Variants in EIPR1 observed in about 807,000 individuals in gnomAD.
EIPR1 encodes the protein EARP complex and GARP complex interacting protein 1, also known as EARP and GARP complex-interacting protein 1.
In EIPR1, 25 loss-of-function variants were observed where a neutral mutation model predicts 48.1. The observed-to-expected ratio is 0.52, with a 90% confidence interval of 0.38 to 0.73. EIPR1 has a LOEUF of 0.73. Ranked by LOEUF, EIPR1 falls within the 30% of genes least tolerant of loss-of-function variation. The pLI, the probability that EIPR1 is intolerant of heterozygous loss-of-function variation, is 0.00. For synonymous variants in EIPR1, 204 were observed against 201.9 expected (o/e 1.01, Z -0.09); for missense variants, 415 against 506.2 (o/e 0.82, Z 1.73).
intron 3 of EIPR1, among the ~76,000 whole-genome samples, chr2:3,325,839 G>A (rs1003610803): frequency 2.6e-5 from 4 of 152,248 alleles, no homozygotes; most frequent in African/African-American, 4.8e-5. Flanking sequence ...ACAGAAAGAC[G>A]CACCACCCTT....
intron 3 of EIPR1, among the ~76,000 whole-genome samples, chr2:3,283,272 T>TG (rs1668070058): frequency 6.6e-6 from 1 of 152,182 alleles, no homozygotes; most frequent in Non-Finnish European, 1.5e-5. Context: ...CACGCTGGGC[T>TG]GGCCTCCTCC....
intron 3 of EIPR1, among the ~76,000 whole-genome samples, chr2:3,284,212 G>C (rs1668106380): frequency 1.4e-5 from 2 of 144,768 alleles, no homozygotes; most frequent in African/African-American, 5.1e-5. Context: ...ATGGAGATGG[G>C]GCCGGAGGCC....
At chr2:3,360,943 AAGGG>A (rs1670837820) in intron 1 of EIPR1, among the ~76,000 whole-genome samples, 1 of 152,066 alleles carries the variant, frequency 6.6e-6, no homozygotes, top group African/African-American at 2.4e-5. Context: ...AGGGGAGGAG[AAGGG>A]AGGAGGGAGG....
At chr2:3,288,434 C>A (rs1388742072) in intron 3 of EIPR1, among the ~76,000 whole-genome samples, 1 of 152,170 alleles carries the variant, frequency 6.6e-6, no homozygotes, top group Non-Finnish European at 1.5e-5. Context: ...ATGAGTCTCA[C>A]GTGGCTGGGG....
chr2:3,269,687 C>T (rs993727875), intron 3 of EIPR1, among the ~76,000 whole-genome samples: 1 of 148,838 alleles, frequency 6.7e-6, no homozygotes, highest in African/African-American at 2.5e-5. Context: ...GCAATCATCG[C>T]ACTCAATCAT....
intron 5 of EIPR1, among the ~76,000 whole-genome samples, chr2:3,200,609 G>A (rs1019413716): frequency 6.6e-6 from 1 of 152,110 alleles, no homozygotes; most frequent in Non-Finnish European, 1.5e-5. Context: ...CGCCACGTGT[G>A]GGGCCTCGGG....
chr2:3,366,057 C>G (rs1670967963), intron 1 of EIPR1, among the ~76,000 whole-genome samples: 1 of 152,204 alleles, frequency 6.6e-6, no homozygotes, highest in South Asian at 2.1e-4. Context: ...CTTGTAATTC[C>G]AGCACTTTGG....
At chr2:3,207,665 C>T (rs986254377) in intron 5 of EIPR1, 4 of 152,168 alleles carry the variant, frequency 2.6e-5, no homozygotes, top group South Asian at 2.1e-4. Context: ...TTCTTAAAGA[C>T]GCCTGGTTCT....
At chr2:3,377,332 C>T in intron 1 of EIPR1, 1 of 366,754 alleles carries the variant, frequency 2.7e-6, no homozygotes, top group Non-Finnish European at 4.9e-6. Flanking sequence ...CCTTCAGGAA[C>T]TCAAATTCTA....
At chr2:3,237,686 CG>C (rs1666458281) in intron 4 of EIPR1, among the ~76,000 whole-genome samples, 1 of 152,128 alleles carries the variant, frequency 6.6e-6, no homozygotes, top group Admixed American at 6.5e-5. Flanking sequence ...GAGAGGCAAG[CG>C]TGGAATGCTG....
chr2:3,213,732 C>T (rs929266168), intron 5 of EIPR1, among the ~76,000 whole-genome samples: 12 of 152,050 alleles, frequency 7.9e-5, no homozygotes, highest in African/African-American at 2.7e-4. Context: ...TGAAAGACCC[C>T]ATCAGTCAGT....
At chr2:3,245,970 G>A (rs1292115690) in intron 4 of EIPR1, among the ~76,000 whole-genome samples, 1 of 152,158 alleles carries the variant, frequency 6.6e-6, no homozygotes, top group African/African-American at 2.4e-5. Flanking sequence ...ACATGCCTAT[G>A]GTCCCAGCTT....
intron 3 of EIPR1, among the ~76,000 whole-genome samples, chr2:3,267,310 T>C (rs2103236336): frequency 6.6e-6 from 1 of 152,176 alleles, no homozygotes; most frequent in East Asian, 1.9e-4. Context: ...CCTGTGAAAA[T>C]AGTCAACCAA....
rs1453981335 is a variant in EIPR1, at chr2:3,248,195, C to A, written c.416+9104G>T. On this transcript the variant is annotated intron_variant, in intron 4 of 8. Transcript: ENST00000382125. ...GGGTGTGGTGTCTCACGCCTGTAAT[C>A]CCAGAACTTTGGAAGGCCGAGGTGG... Among the ~76,000 whole-genome samples the A allele has an allele frequency of 5.3e-5, 8 of 152,286 alleles. No homozygotes were observed. In the East Asian group the frequency reaches 1.5e-3, roughly 29 times the overall value.
chr2:3,305,244 T>C (rs34496077), intron 3 of EIPR1, among the ~76,000 whole-genome samples: 38,860 of 86,604 alleles, frequency 0.45, 6,704 homozygotes, highest in Non-Finnish European at 0.46. Context: ...CAGTTCAACC[T>C]TCCACTCCCG....
intron 6 of EIPR1, 104 bp from the exon 7 acceptor site, chr2:3,194,270 C>A: frequency 6.9e-7 from 1 of 1,449,300 alleles, no homozygotes; most frequent in East Asian, 2.3e-5. Flanking sequence ...GTCTAATCCC[C>A]CGGCCCAGGG....
At chr2:3,211,106 C>A (rs35319154) in intron 5 of EIPR1, among the ~76,000 whole-genome samples, 4,212 of 152,244 alleles carry the variant, frequency 0.028, 63 homozygotes, top group Non-Finnish European at 0.041. Context: ...TGCACATGCA[C>A]CTCTGAACCT....
intron 3 of EIPR1, chr2:3,274,491 CA>C: frequency 6.6e-7 from 1 of 1,515,294 alleles, no homozygotes; most frequent in Non-Finnish European, 8.9e-7. Flanking sequence ...TAAGGTAAAT[CA>C]AGCCATGAGA....
In EIPR1 at chr2:3,377,745, C is replaced by T. The variant is rs1449349179; in HGVS notation, c.-56G>A. 8 of 1,546,382 alleles carry T rather than the reference C, an allele frequency of 5.2e-6. No individual in the cohort carries two copies. The highest frequency in any genetic ancestry group is 7.0e-6 in the Non-Finnish European group (8 of 1,143,466). On this transcript the variant is annotated 5_prime_UTR_variant, in exon 1 of 9. Coordinates refer to ENST00000382125, the MANE Select transcript of EIPR1 (RefSeq NM_003310.5). ...TCACACGCTAAGGACCTCGCTACGG[C>T]CGGCGCGTCCCCACCTCGCGGGCGT...
Sources: gnomAD v4.1 joint callset for allele counts (sites outside exome capture counted in the v4.1 genomes callset) on GRCh38, gnomAD v4.1.1 for gene constraint, MANE v1.5 for transcripts, NCBI Gene and HGNC (gene_info 2026-07-23, HGNC 2026-07-21) for gene names.